Variants in EYS observed in about 807,000 individuals in gnomAD.
EYS encodes EGF-like photoreceptor maintenance factor, also known as protein eyes shut homolog.
EYS carries 250 observed loss-of-function variants against 282.1 expected under a neutral mutation model. The ratio of observed to expected loss-of-function variants is 0.89; its 90% CI spans 0.80 to 0.98. The LOEUF (loss-of-function observed/expected upper bound fraction) is 0.98, where lower values mean the gene tolerates loss of function less well. Among genes scored for constraint, EYS ranks in the 50% least tolerant of loss-of-function variants. The pLI is 0.00. For missense variants in EYS, 4,016 were observed against 3,709.0 expected, an observed-to-expected ratio of 1.08 and a Z score of -2.15; for synonymous variants, 1,355 against 1,282.9, an observed-to-expected ratio of 1.06 and a Z score of -1.20.
intron 22 of EYS, among the ~76,000 whole-genome samples, chr6:64,670,815 A>AT (rs1269516905): frequency 3.3e-5 from 5 of 152,058 alleles, no homozygotes; most frequent in East Asian, 3.9e-4. Context: ...GGTTTATACT[A>AT]TTTTTTTCCT....
chr6:64,098,469 A>G (rs1167561304), intron 31 of EYS, among the ~76,000 whole-genome samples: 1 of 152,178 alleles, frequency 6.6e-6, no homozygotes, highest in Non-Finnish European at 1.5e-5. Flanking sequence ...AATCCTATCT[A>G]TTATTTAGTG....
Position 64,066,356 on chromosome 6 carries a change from A to C in EYS, c.6707T>G (p.Phe2236Cys). ...TACTTACCGTATTGTGATAGGGGTG[A>C]ATGCATTTGTGTTAATGCTGTAATT... is the stretch of plus-strand genomic sequence containing the variant. The part of the protein sequence containing the change: ...SANYSINTNA[F>C]TPITIRYTTP... Residue 2236 changes from phenylalanine (F) to cysteine (C), a missense_variant, in exon 33 of 43, where the codon TTC becomes TGC. Coordinates refer to ENST00000503581, the MANE Select transcript of EYS (RefSeq NM_001142800.2). 6.4e-7 allele frequency: 1 copy of C among 1,551,678 alleles called. No individual in the cohort carries two copies. The highest frequency in any genetic ancestry group is 8.7e-7 in the Non-Finnish European group (1 of 1,146,894).
At chr6:64,615,088 C>A (rs1767232004) in intron 24 of EYS, among the ~76,000 whole-genome samples, 1 of 152,062 alleles carries the variant, frequency 6.6e-6, no homozygotes, top group Non-Finnish European at 1.5e-5. Context: ...TGACTTACCC[C>A]CTGTACATTG....
In EYS at chr6:64,591,412, T is replaced by C. The variant is rs755759273; in HGVS notation, c.4455A>G (p.Arg1485=). Residue 1485 remains arginine, a synonymous_variant, in exon 26 of 43, where the codon AGA becomes AGG. Transcript: ENST00000503581. ...TGGGAGACATCGAGGGGCTGAGCAA[T>C]CTCCAGTGCTCTCTTCTTGAAATTA... ...DSLISRREHW[R]LLSPSMSPIF... The C allele has an allele frequency of 7.1e-6, 11 of 1,551,318 alleles. No individual in the cohort carries two copies. In the East Asian group the frequency reaches 2.7e-4, roughly 38 times the overall value.
At chr6:63,920,955 C>T (rs972804412) in intron 35 of EYS, among the ~76,000 whole-genome samples, 1 of 151,722 alleles carries the variant, frequency 6.6e-6, no homozygotes, top group African/African-American at 2.4e-5. Context: ...TGCAGTGGCG[C>T]GATCTCGGCT....
At chr6:64,502,800 A>T (rs983769935) in intron 26 of EYS, among the ~76,000 whole-genome samples, 7 of 152,180 alleles carry the variant, frequency 4.6e-5, no homozygotes, top group Non-Finnish European at 1.0e-4. Context: ...TTAAAATTAA[A>T]TCTGTTTAAA....
At chr6:63,790,534 C>G (rs1770483588) in intron 37 of EYS, among the ~76,000 whole-genome samples, 1 of 152,214 alleles carries the variant, frequency 6.6e-6, no homozygotes, top group Non-Finnish European at 1.5e-5. Context: ...GAACTTATGG[C>G]AAGTCTCTTT....
At chr6:64,340,178 AGT>A (rs768676544) in intron 29 of EYS, among the ~76,000 whole-genome samples, 10 of 151,458 alleles carry the variant, frequency 6.6e-5, no homozygotes, top group Non-Finnish European at 1.0e-4. Context: ...GAAGTAAAAA[AGT>A]GTGTGTGTGT....
intron 24 of EYS, among the ~76,000 whole-genome samples, chr6:64,610,522 G>C (rs1337268840): frequency 1.3e-5 from 2 of 150,748 alleles, no homozygotes; most frequent in East Asian, 3.9e-4. Flanking sequence ...TTGTGCATTG[G>C]CCTCTCCAGT....
intron 35 of EYS, among the ~76,000 whole-genome samples, chr6:63,913,534 A>C (rs1172907139): frequency 6.6e-6 from 1 of 152,056 alleles, no homozygotes. Flanking sequence ...CTACTCATCT[A>C]TTTTCTGTCT....
At chr6:64,272,475 CA>C (rs1339628035) in intron 30 of EYS, among the ~76,000 whole-genome samples, 2 of 152,182 alleles carry the variant, frequency 1.3e-5, no homozygotes, top group African/African-American at 2.4e-5. Flanking sequence ...CTGGTGGTGA[CA>C]AAATCTCTCA....
At chr6:63,939,605 G>T (rs968319280) in intron 35 of EYS, among the ~76,000 whole-genome samples, 7 of 151,550 alleles carry the variant, frequency 4.6e-5, no homozygotes, top group East Asian at 1.9e-4. Context: ...AACTACATGG[G>T]TTCACTTATA....
chr6:64,166,120 T>C (rs1764283702), intron 31 of EYS, among the ~76,000 whole-genome samples: 1 of 152,222 alleles, frequency 6.6e-6, no homozygotes, highest in Non-Finnish European at 1.5e-5. Context: ...ATTGCTTCTT[T>C]AATCAGAAAA....
chr6:64,871,462 T>C (rs1242187095), intron 19 of EYS, among the ~76,000 whole-genome samples: 2 of 151,986 alleles, frequency 1.3e-5, no homozygotes, highest in Non-Finnish European at 2.9e-5. Flanking sequence ...TAACACATGT[T>C]TTCTTTTAGG....
In EYS at chr6:64,358,259, A is replaced by G. The variant is rs116991005; in HGVS notation, c.6078+30431T>C. On this transcript the variant is annotated intron_variant, in intron 29 of 42. Coordinates refer to ENST00000503581, the MANE Select transcript of EYS (RefSeq NM_001142800.2). ...AGAGACTGTCAAAATAGCATCTGAAAGGCTCTTTCACCAGAGGGTGCCAGA... is the reference window on the plus strand; with the variant it reads ...AGAGACTGTCAAAATAGCATCTGAAGGGCTCTTTCACCAGAGGGTGCCAGA... Among the ~76,000 whole-genome samples, 8 of 151,776 alleles carry G rather than the reference A, an allele frequency of 5.3e-5. No individual in the cohort carries two copies. The East Asian group carries it at 1.6e-3, about 30-fold the overall frequency.
chr6:64,009,375 C>A (rs1442890345), intron 33 of EYS, among the ~76,000 whole-genome samples: 1 of 151,734 alleles, frequency 6.6e-6, no homozygotes, highest in Non-Finnish European at 1.5e-5. Context: ...GCTCCGCCCC[C>A]CAGGTTCATG....
At position 63,726,529 on chromosome 6, in the gene EYS, T is replaced by G. The variant is rs1232641520; in HGVS notation, c.8223A>C (p.Lys2741Asn). 6.5e-7 allele frequency: 1 copy of G among 1,549,672 alleles called. No individual in the cohort carries two copies. The highest frequency in any genetic ancestry group is 2.0e-5 in the Admixed American group (1 of 50,574). Residue 2741 changes from lysine (K) to asparagine (N), a missense_variant, in exon 42 of 43, where the codon AAA becomes AAC. Transcript: ENST00000503581. The stretch of plus-strand genomic sequence containing the variant: ...GCCTGCCAATCTTACCTGATTGGGC[T>G]TTTAAGTGTTGTGCAGCATAAAATA... ...GILFYAAQHL[K>N]AQSGDFLCIS...
chr6:64,696,222 C>A (rs1465262530), intron 22 of EYS, among the ~76,000 whole-genome samples: 1 of 152,072 alleles, frequency 6.6e-6, no homozygotes, highest in East Asian at 1.9e-4. Context: ...TTACAAAATA[C>A]ATTTGAAAGC....
At chr6:64,894,945 A>T (rs981826434) in intron 18 of EYS, among the ~76,000 whole-genome samples, 2 of 152,090 alleles carry the variant, frequency 1.3e-5, no homozygotes, top group Admixed American at 6.6e-5. Flanking sequence ...CAATTTTTAC[A>T]TTGGGGTAAG....
Sources: gnomAD v4.1 joint callset for allele counts (sites outside exome capture counted in the v4.1 genomes callset) on GRCh38, gnomAD v4.1.1 for gene constraint, MANE v1.5 for transcripts, NCBI Gene and HGNC (gene_info 2026-07-23, HGNC 2026-07-21) for gene names.